Variants in BRINP3 observed in about 807,000 individuals in gnomAD.
BRINP3 encodes the protein BMP/retinoic acid inducible neural specific 3.
BRINP3 carries 19 observed loss-of-function variants against 71.0 expected under a neutral mutation model. The ratio of observed to expected loss-of-function variants is 0.27; its 90% CI spans 0.19 to 0.39. The LOEUF (loss-of-function observed/expected upper bound fraction) is 0.39, where lower values mean the gene tolerates loss of function less well. Ranked by LOEUF, BRINP3 falls within the 10% of genes least tolerant of loss-of-function variation. The pLI is 1.00. For missense variants in BRINP3, 959 were observed against 940.8 expected (o/e 1.02, Z -0.25); for synonymous variants, 380 against 337.7 (o/e 1.13, Z -1.37).
At chr1:190,191,422 C>G (rs555104887) in intron 6 of BRINP3, among the ~76,000 whole-genome samples, 5 of 152,018 alleles carry the variant, frequency 3.3e-5, no homozygotes, top group Non-Finnish European at 5.9e-5. Context: ...CACCCCTCAA[C>G]AGGCCCCAGT....
chr1:190,321,324 T>G (rs1666223908), intron 2 of BRINP3, among the ~76,000 whole-genome samples: 1 of 152,148 alleles, frequency 6.6e-6, no homozygotes, highest in Non-Finnish European at 1.5e-5. Flanking sequence ...TGAATTAAGT[T>G]AAAAATCATA....
At chr1:190,375,473 A>G (rs1670125470) in intron 2 of BRINP3, among the ~76,000 whole-genome samples, 1 of 151,994 alleles carries the variant, frequency 6.6e-6, no homozygotes, top group African/African-American at 2.4e-5. Context: ...CAATTAATGT[A>G]TTCAAAAGCA....
chr1:190,286,714 T>C (rs1663453169), intron 2 of BRINP3, among the ~76,000 whole-genome samples: 1 of 152,114 alleles, frequency 6.6e-6, no homozygotes. Context: ...TCAGACACAA[T>C]AGAATCTTAA....
chr1:190,279,260 C>T (rs1414504940), intron 3 of BRINP3, among the ~76,000 whole-genome samples: 3 of 151,714 alleles, frequency 2.0e-5, no homozygotes, highest in Non-Finnish European at 4.4e-5. Flanking sequence ...TCAATCTTCA[C>T]AATTATTAAA....
intron 4 of BRINP3, among the ~76,000 whole-genome samples, chr1:190,248,541 T>C (rs1221070119): frequency 6.6e-6 from 1 of 151,788 alleles, no homozygotes; most frequent in Non-Finnish European, 1.5e-5. Flanking sequence ...TCAGAATTTT[T>C]GTATTTCTAT....
At chr1:190,413,221 G>C (rs538311487) in intron 2 of BRINP3, among the ~76,000 whole-genome samples, 1 of 151,934 alleles carries the variant, frequency 6.6e-6, no homozygotes, top group South Asian at 2.1e-4. Flanking sequence ...GCACCTGTGC[G>C]TGTGTTTTGT....
intron 4 of BRINP3, among the ~76,000 whole-genome samples, chr1:190,254,210 A>G (rs1323830856): frequency 6.6e-6 from 1 of 152,054 alleles, no homozygotes; most frequent in Non-Finnish European, 1.5e-5. Flanking sequence ...TGATGCCTCC[A>G]GCTTTGTTCT....
At chr1:190,372,597 G>A (rs1325816751) in intron 2 of BRINP3, among the ~76,000 whole-genome samples, 1 of 152,114 alleles carries the variant, frequency 6.6e-6, no homozygotes. Flanking sequence ...TTTCCCTTCA[G>A]CAATTGTTAT....
intron 2 of BRINP3, among the ~76,000 whole-genome samples, chr1:190,412,351 G>A (rs114672561): frequency 0.016 from 2,287 of 146,118 alleles, 57 homozygotes; most frequent in African/African-American, 0.053. Context: ...GTAAATAATA[G>A]CATGGATAAA....
intron 2 of BRINP3, among the ~76,000 whole-genome samples, chr1:190,343,576 C>T (rs1455262853): frequency 6.6e-6 from 1 of 151,502 alleles, no homozygotes; most frequent in Non-Finnish European, 1.5e-5. Flanking sequence ...ATAGTACATG[C>T]TCAACAATCA....
chr1:190,114,098 G>A (rs1652920636), intron 7 of BRINP3, among the ~76,000 whole-genome samples: 1 of 152,068 alleles, frequency 6.6e-6, no homozygotes, highest in African/African-American at 2.4e-5. Context: ...CAGATCATGG[G>A]GGCAGAGTTC....
chr1:190,444,638 G>A (rs1310917034), intron 2 of BRINP3, among the ~76,000 whole-genome samples: 1 of 151,890 alleles, frequency 6.6e-6, no homozygotes, highest in Non-Finnish European at 1.5e-5. Flanking sequence ...AGGTTCAAGC[G>A]ATTCTCCCGC....
At chr1:190,443,058 G>A (rs1392161223) in intron 2 of BRINP3, among the ~76,000 whole-genome samples, 1 of 151,594 alleles carries the variant, frequency 6.6e-6, no homozygotes, top group Non-Finnish European at 1.5e-5. Flanking sequence ...GACTATGGGC[G>A]TGCGCCACTG....
At chr1:190,115,025 T>C (rs1653012614) in intron 7 of BRINP3, among the ~76,000 whole-genome samples, 1 of 152,176 alleles carries the variant, frequency 6.6e-6, no homozygotes, top group South Asian at 2.1e-4. Context: ...TATTTTCTTG[T>C]TGCATTTATT....
intron 6 of BRINP3, among the ~76,000 whole-genome samples, chr1:190,220,037 T>G (rs1372857543): frequency 4.6e-5 from 7 of 151,912 alleles, no homozygotes; most frequent in African/African-American, 1.7e-4. Flanking sequence ...GAGTGGAAAT[T>G]TTAGTCAAAT....
At chr1:190,438,727 G>A (rs1030064911) in intron 2 of BRINP3, among the ~76,000 whole-genome samples, 3 of 151,778 alleles carry the variant, frequency 2.0e-5, no homozygotes, top group African/African-American at 7.2e-5. Flanking sequence ...AAAATGCAAA[G>A]GTGAACAGAG....
At chr1:190,178,839 A>C (rs1230417417) in intron 6 of BRINP3, among the ~76,000 whole-genome samples, 1 of 152,138 alleles carries the variant, frequency 6.6e-6, no homozygotes, top group East Asian at 1.9e-4. Flanking sequence ...AGTCAAGAGA[A>C]ATTGAAGAAC....
At chr1:190,467,270 G>T (rs967532799) in intron 1 of BRINP3, among the ~76,000 whole-genome samples, 1 of 151,414 alleles carries the variant, frequency 6.6e-6, no homozygotes, top group African/African-American at 2.4e-5. Context: ...AAAACTGTAA[G>T]CATCTTATGA....
At chr1:190,395,700 T>A (rs1201222114) in intron 2 of BRINP3, among the ~76,000 whole-genome samples, 1 of 151,818 alleles carries the variant, frequency 6.6e-6, no homozygotes, top group Non-Finnish European at 1.5e-5. Context: ...TCAACTTCAG[T>A]CTTTGCCTCT....
Sources: gnomAD v4.1 joint callset for allele counts (sites outside exome capture counted in the v4.1 genomes callset) on GRCh38, gnomAD v4.1.1 for gene constraint, MANE v1.5 for transcripts, NCBI Gene and HGNC (gene_info 2026-07-23, HGNC 2026-07-21) for gene names.